The following SBF1 variants were observed in gnomAD, a reference collection of about 807,000 sequenced individuals.
SBF1 encodes the protein SET binding factor 1.
SBF1 carries 65 observed loss-of-function variants against 215.8 expected under a neutral mutation model. That is an observed-to-expected ratio of 0.30 (90% CI 0.25 to 0.37). SBF1 has a LOEUF of 0.37. Ranked by LOEUF, SBF1 falls within the 10% of genes least tolerant of loss-of-function variation. The pLI, the probability that SBF1 is intolerant of heterozygous loss-of-function variation, is 1.00. For missense variants in SBF1, 2,634 were observed against 2,667.8 expected (o/e 0.99, Z 0.28); for synonymous variants, 1,410 against 1,122.8 (o/e 1.26, Z -5.11).
Position 50,462,706 on chromosome 22 carries a change from C to T in SBF1, c.1980G>A (p.Pro660=), listed in dbSNP as rs143643893. 1,834 of 1,611,494 alleles carry T rather than the reference C, an allele frequency of 1.1e-3. 18 individuals carry two copies. The African/African-American group carries it at 0.021, about 18-fold the overall frequency. Residue 660 remains proline (P), a synonymous_variant, in exon 18 of 41, where the codon CCG becomes CCA. Coordinates refer to ENST00000380817, the MANE Select transcript of SBF1 (RefSeq NM_002972.4). The part of the protein sequence containing the change: ...LVTAFCRKLS[P]GVTQFAYSCV... ...AGCTGTATGCAAACTGCGTCACCCC[C>T]GGGCTCAGCTTCTGCAGGAGCCAGG...
At chr22:50,464,266 T>C (rs1044142899) in intron 15 of SBF1, 63 bp downstream of exon 15, 2 of 1,358,164 alleles carry the variant, frequency 1.5e-6, no homozygotes, top group Admixed American at 3.6e-5. Flanking sequence ...AAGGGTGAAG[T>C]GCAGCCTGGG....
At chr22:50,470,721 T>C (rs908648674) in intron 1 of SBF1, among the ~76,000 whole-genome samples, 4 of 152,212 alleles carry the variant, frequency 2.6e-5, no homozygotes, top group Non-Finnish European at 4.4e-5. Context: ...TTAGGGCTTG[T>C]AGAACACGTA....
Position 50,456,822 on chromosome 22 carries a change from G to T in SBF1, c.3905-149C>A. On this transcript the variant is annotated intron_variant, in intron 29 of 40. Transcript: ENST00000380817. ...AGCAGGGCCGTGCGAGAGGAGGGCT[G>T]GAACACACAGATTCTGAGACGTGGG... 5 of 773,124 alleles carry T rather than the reference G, an allele frequency of 6.5e-6. 1 individual carries two copies. In the South Asian group the frequency reaches 8.1e-5, roughly 13 times the overall value. 47.9% of individuals were successfully genotyped at this position (773,124 alleles called of 1,614,324 possible). A position where few individuals can be genotyped will look rare whatever the true frequency, so the allele number is the denominator to read the frequency against.
chr22:50,474,418 G>C (rs989452863), intron 1 of SBF1, among the ~76,000 whole-genome samples: 1 of 152,206 alleles, frequency 6.6e-6, no homozygotes, highest in African/African-American at 2.4e-5. Context: ...CAAGGAGAGA[G>C]CCCGTCCCAC....
chr22:50,452,911 A>C (rs1294862434), intron 36 of SBF1, among the ~76,000 whole-genome samples: 2 of 152,034 alleles, frequency 1.3e-5, no homozygotes, highest in African/African-American at 4.8e-5. Flanking sequence ...CCCCTGAAAC[A>C]CAACACAGAG....
Position 50,459,397 on chromosome 22 carries a change from G to T in SBF1, c.3689-5C>A, listed in dbSNP as rs1266392164. The T allele has an allele frequency of 1.9e-6, 3 of 1,612,146 alleles. No homozygotes were observed. The highest frequency in any genetic ancestry group is 2.5e-6 in the Non-Finnish European group (3 of 1,179,194). ...TCGAGTCCGCCTGGGACTGGCCTGG[G>T]GGAGGACACGGAGCTGAGGGAGGGG... On this transcript the variant is annotated splice_region_variant and splice_polypyrimidine_tract_variant and intron_variant, in intron 27 of 40. Coordinates refer to ENST00000380817, the MANE Select transcript of SBF1 (RefSeq NM_002972.4).
Position 50,446,007 on chromosome 22 carries a change from TCAG to T in SBF1, c.*1132_*1134del, listed in dbSNP as rs2066794297. The T allele has an allele frequency of 6.5e-6, 1 of 153,252 alleles. No homozygotes were observed. The highest frequency in any genetic ancestry group is 2.4e-5 in the African/African-American group (1 of 41,460). 9.5% of individuals were successfully genotyped at this position (153,252 alleles called of 1,614,324 possible). ...CTGGCCAGGTCACCAGCTGCCACTC[TCAG>T]ATGTTCTCTTGGCCTTTGCAGCGTC... On this transcript the variant is annotated 3_prime_UTR_variant, in exon 41 of 41. Coordinates refer to ENST00000380817, the MANE Select transcript of SBF1 (RefSeq NM_002972.4).
chr22:50,449,578 G>A (rs1358503806), intron 36 of SBF1, among the ~76,000 whole-genome samples: 2 of 151,372 alleles, frequency 1.3e-5, no homozygotes, highest in Admixed American at 6.6e-5. Flanking sequence ...TCACACCACT[G>A]CCCTCCAGCC....
chr22:50,455,153 T>C lies in SBF1; in HGVS notation c.4555-11A>G, dbSNP rs1361034918. On this transcript the variant is annotated splice_polypyrimidine_tract_variant and intron_variant, in intron 33 of 40. Transcript: ENST00000380817. ...GAACTGCAGGTGGACCTGCACGCCA[T>C]GTGGGTCAGGGGCCAGGGCTCAGCG... is the stretch of plus-strand genomic sequence containing the variant. 3.7e-6 allele frequency: 6 copies of C among 1,613,940 alleles called. No individual in the cohort carries two copies. The highest frequency in any genetic ancestry group is 1.3e-5 in the African/African-American group (1 of 74,946).
intron 1 of SBF1, among the ~76,000 whole-genome samples, chr22:50,473,875 C>G (rs1046623218): frequency 3.3e-5 from 5 of 152,214 alleles, no homozygotes; most frequent in African/African-American, 7.2e-5. Context: ...TCAGCTTATC[C>G]GCGCCTAACT....
Position 50,455,318 on chromosome 22 carries a change from C to A in SBF1, c.4460G>T (p.Gly1487Val). ...AGCTCCACGGTGGCTGAAGCGATGG[C>A]CGAAGGACAGCCACTCCTTCTCCAC... is the stretch of plus-strand genomic sequence containing the variant. Reference protein sequence around the residue: ...LLVEKEWLSFGHRFSHRGAHT... With the variant: ...LLVEKEWLSFVHRFSHRGAHT... The change falls in exon 33 of 41, where the codon GGC becomes GTC. Residue 1487 changes from glycine (G) to valine (V), a missense_variant. Physicochemically the swap from Gly to Val is moderately radical, Grantham distance 109. Coordinates refer to ENST00000380817, the MANE Select transcript of SBF1 (RefSeq NM_002972.4). 1 of 1,613,418 alleles carries A rather than the reference C, an allele frequency of 6.2e-7. No homozygotes were observed. Among genetic ancestry groups the A allele is most frequent in the Non-Finnish European group, 8.5e-7 (1 of 1,179,940 alleles).
intron 28 of SBF1, among the ~76,000 whole-genome samples, chr22:50,458,503 C>T (rs903670348): frequency 6.6e-6 from 1 of 151,992 alleles, no homozygotes; most frequent in African/African-American, 2.4e-5. Context: ...GCCCCACCTG[C>T]AAATGCCACT....
Position 50,456,659 on chromosome 22 carries a change from C to T in SBF1, c.3919G>A (p.Val1307Ile), listed in dbSNP as rs1166856162. 4.7e-6 allele frequency: 7 copies of T among 1,483,172 alleles called. No individual in the cohort carries two copies. Among genetic ancestry groups the T allele is most frequent in the South Asian group, 4.2e-5 (3 of 70,924 alleles). The allele number at this position is 1,483,172 out of a possible 1,614,324, so 91.9% of individuals were successfully genotyped here. Residue 1307 changes from valine to isoleucine, a missense_variant, in exon 30 of 41, where the codon GTC (valine) becomes ATC (isoleucine). Transcript: ENST00000380817. ...RTAPRGKWGS[V>I]RTSGRSSGLG... The stretch of plus-strand genomic sequence containing the variant: ...CCACTGCTGCGTCCACTGGTCCGGA[C>T]ACTGCCCCACTTACCTGTGAAGGAG...
intron 36 of SBF1, among the ~76,000 whole-genome samples, chr22:50,452,717 A>G (rs1014183492): frequency 1.3e-5 from 1 of 75,658 alleles, no homozygotes; most frequent in African/African-American, 6.0e-5. Flanking sequence ...GGGAGACTCC[A>G]TCTCTCAAAA....
intron 3 of SBF1, 37 bp from the exon 4 acceptor site, chr22:50,467,727 T>C (rs368561060): frequency 1.9e-6 from 3 of 1,608,052 alleles, no homozygotes; most frequent in African/African-American, 1.3e-5. Flanking sequence ...GCAGGGGGAG[T>C]TGGCCACGGC....
chr22:50,461,878 A>G lies in SBF1; in HGVS notation c.2570-9T>C, dbSNP rs746329621. The G allele has an allele frequency of 1.2e-6, 2 of 1,613,940 alleles. No individual in the cohort carries two copies. Among genetic ancestry groups the G allele is most frequent in the African/African-American group, 2.7e-5 (2 of 74,938 alleles). ...GTGCATCTGGACAATGTCTGGGGGAAGACAGTTCTCACACTTTGTGCCCAG... is the reference window on the plus strand; with the variant it reads ...GTGCATCTGGACAATGTCTGGGGGAGGACAGTTCTCACACTTTGTGCCCAG... On this transcript the variant is annotated splice_polypyrimidine_tract_variant and intron_variant, in intron 20 of 40. Coordinates refer to ENST00000380817, the MANE Select transcript of SBF1 (RefSeq NM_002972.4).
Position 50,474,854 on chromosome 22 carries a change from G to A in SBF1, c.-14C>T, listed in dbSNP as rs2068122867. The A allele has an allele frequency of 2.1e-6, 3 of 1,402,712 alleles. No homozygotes were observed. Among genetic ancestry groups the A allele is most frequent in the Non-Finnish European group, 2.8e-6 (3 of 1,080,872 alleles). The allele number at this position is 1,402,712 out of a possible 1,614,324, so 86.9% of individuals were successfully genotyped here. ...GAGCCGCGCCATGGCGAGGGACGCG[G>A]GGCGGCCCGAGGGGCGCGGGCGGGC... On this transcript the variant is annotated 5_prime_UTR_variant, in exon 1 of 41. Coordinates refer to ENST00000380817, the MANE Select transcript of SBF1 (RefSeq NM_002972.4).
intron 23 of SBF1, 26 bp downstream of exon 23, chr22:50,461,133 A>C: frequency 6.4e-7 from 1 of 1,571,054 alleles, no homozygotes; most frequent in Non-Finnish European, 8.6e-7. Flanking sequence ...GGGGGATGAG[A>C]GCCCCACCCG....
chr22:50,467,745 T>C, intron 3 of SBF1, 41 bp downstream of exon 3: 5 of 1,612,258 alleles, frequency 3.1e-6, no homozygotes, highest in South Asian at 1.1e-5. Context: ...GGCCCAAGGA[T>C]GCAGCTTCAT....
Sources: allele counts gnomAD v4.1 joint callset (sites outside exome capture counted in the v4.1 genomes callset), GRCh38; gene constraint gnomAD v4.1.1; transcripts MANE v1.5; gene names NCBI Gene and HGNC (gene_info 2026-07-23, HGNC 2026-07-21).